Variants in ENTHD1 observed in about 807,000 individuals in gnomAD.
ENTHD1 encodes the protein ENTH domain containing 1, also known as ENTH domain-containing protein 1.
In ENTHD1, 23 loss-of-function variants were observed where a neutral mutation model predicts 39.1. The ratio of observed to expected loss-of-function variants is 0.59; its 90% CI spans 0.42 to 0.83. ENTHD1 has a LOEUF of 0.83. ENTHD1 is among the 40% of genes least tolerant of loss of function. The pLI, the probability that ENTHD1 is intolerant of heterozygous loss-of-function variation, is 0.00. For synonymous variants in ENTHD1, 230 were observed against 258.2 expected, an observed-to-expected ratio of 0.89 and a Z score of 1.05; for missense variants, 624 against 705.4, an observed-to-expected ratio of 0.88 and a Z score of 1.31.
chr22:39,791,377 A>G (rs927827632), intron 5 of ENTHD1, among the ~76,000 whole-genome samples: 1 of 150,756 alleles, frequency 6.6e-6, no homozygotes, highest in African/African-American at 2.4e-5. Flanking sequence ...ATTAAAGATT[A>G]GACTTCATAT....
At chr22:39,822,618 A>T (rs1890214202) in intron 4 of ENTHD1, among the ~76,000 whole-genome samples, 1 of 152,190 alleles carries the variant, frequency 6.6e-6, no homozygotes, top group Non-Finnish European at 1.5e-5. Flanking sequence ...TTGTTTATCC[A>T]TTCTCCTGCA....
At chr22:39,890,224 A>T (rs2066416322) in intron 1 of ENTHD1, among the ~76,000 whole-genome samples, 1 of 152,038 alleles carries the variant, frequency 6.6e-6, no homozygotes, top group Non-Finnish European at 1.5e-5. Flanking sequence ...AGGAAGAAAA[A>T]GAGAAGTTGT....
intron 6 of ENTHD1, among the ~76,000 whole-genome samples, chr22:39,745,658 C>T (rs535682202): frequency 2.0e-5 from 3 of 152,128 alleles, no homozygotes; most frequent in African/African-American, 4.8e-5. Context: ...TCAGGCTAAT[C>T]GAGACAGACT....
intron 5 of ENTHD1, among the ~76,000 whole-genome samples, chr22:39,810,661 T>C (rs531635183): frequency 6.6e-6 from 1 of 152,350 alleles, no homozygotes; most frequent in South Asian, 2.1e-4. Flanking sequence ...TGAAAAGCCA[T>C]GTGGACTGTC....
chr22:39,855,627 G>C (rs1227458171), intron 3 of ENTHD1, among the ~76,000 whole-genome samples: 1 of 151,524 alleles, frequency 6.6e-6, no homozygotes, highest in Non-Finnish European at 1.5e-5. Flanking sequence ...AAAGGGAAGA[G>C]ACATTCATAT....
intron 4 of ENTHD1, among the ~76,000 whole-genome samples, chr22:39,823,475 G>C (rs1466538169): frequency 1.3e-5 from 2 of 152,044 alleles, no homozygotes; most frequent in Non-Finnish European, 2.9e-5. Flanking sequence ...CTCCCAAGTA[G>C]CTGGGACTAC....
chr22:39,822,860 C>T (rs2065794095), intron 4 of ENTHD1, among the ~76,000 whole-genome samples: 1 of 152,184 alleles, frequency 6.6e-6, no homozygotes, highest in Admixed American at 6.5e-5. Context: ...TTTAGATCCA[C>T]ATGTAAGAAA....
chr22:39,830,965 G>A (rs1051074355), intron 4 of ENTHD1, among the ~76,000 whole-genome samples: 5 of 152,182 alleles, frequency 3.3e-5, no homozygotes, highest in African/African-American at 1.2e-4. Context: ...CATCTTCATG[G>A]AACAGAAACA....
At chr22:39,765,706 T>G (rs1018668349) in intron 5 of ENTHD1, 97 bp from the exon 6 acceptor site, 6 of 1,222,952 alleles carry the variant, frequency 4.9e-6, no homozygotes, top group Non-Finnish European at 6.7e-6. Context: ...TTTTTTAATG[T>G]CATAACAGAA....
chr22:39,797,688 A>G (rs547325871), intron 5 of ENTHD1, among the ~76,000 whole-genome samples: 1 of 152,254 alleles, frequency 6.6e-6, no homozygotes, highest in Non-Finnish European at 1.5e-5. Flanking sequence ...TTCATTTATG[A>G]AGGATAACTT....
intron 5 of ENTHD1, among the ~76,000 whole-genome samples, chr22:39,807,648 T>C (rs1393116120): frequency 1.3e-5 from 2 of 152,174 alleles, no homozygotes; most frequent in African/African-American, 4.8e-5. Context: ...GAGATTCTCT[T>C]CTCTCCTCAC....
intron 6 of ENTHD1, among the ~76,000 whole-genome samples, chr22:39,749,344 C>T (rs1848024248): frequency 1.3e-5 from 2 of 152,184 alleles, no homozygotes; most frequent in Admixed American, 6.5e-5. Flanking sequence ...GATATTTGCA[C>T]ACCAATTAAT....
At chr22:39,875,730 T>C in intron 2 of ENTHD1, 4 of 1,613,118 alleles carry the variant, frequency 2.5e-6, no homozygotes, top group Non-Finnish European at 3.4e-6. Context: ...GCTGATGTGT[T>C]GGCCCTGGCG....
At chr22:39,846,801 C>T (rs2065992691) in intron 3 of ENTHD1, among the ~76,000 whole-genome samples, 1 of 152,022 alleles carries the variant, frequency 6.6e-6, no homozygotes, top group South Asian at 2.1e-4. Flanking sequence ...AAATGCTCAT[C>T]ATCACTGGCC....
intron 3 of ENTHD1, among the ~76,000 whole-genome samples, chr22:39,858,930 G>A (rs2066117688): frequency 6.6e-6 from 1 of 152,148 alleles, no homozygotes; most frequent in Non-Finnish European, 1.5e-5. Flanking sequence ...GTCCTAGATG[G>A]CATCTTTTTC....
chr22:39,849,427 C>A (rs189902370), intron 3 of ENTHD1, among the ~76,000 whole-genome samples: 1 of 152,132 alleles, frequency 6.6e-6, no homozygotes, highest in Non-Finnish European at 1.5e-5. Flanking sequence ...ATAGCTCCCA[C>A]AACAAAGAAT....
intron 5 of ENTHD1, among the ~76,000 whole-genome samples, chr22:39,811,296 CA>C (rs139565355): frequency 0.06 from 9,165 of 152,202 alleles, 385 homozygotes; most frequent in South Asian, 0.12. Context: ...GAGTGAGGAC[CA>C]AAGCAAACAA....
chr22:39,866,862 A>G (rs1425439764), intron 2 of ENTHD1, among the ~76,000 whole-genome samples: 1 of 152,220 alleles, frequency 6.6e-6, no homozygotes, highest in Non-Finnish European at 1.5e-5. Context: ...AAATGAATGA[A>G]TATGCTGAGG....
chr22:39,888,708 G>A (rs933827938), intron 1 of ENTHD1, among the ~76,000 whole-genome samples: 27 of 152,120 alleles, frequency 1.8e-4, no homozygotes, highest in African/African-American at 6.0e-4. Flanking sequence ...TTATAGCCGT[G>A]AGCCACCGCT....
Sources: allele counts gnomAD v4.1 joint callset (sites outside exome capture counted in the v4.1 genomes callset), GRCh38; gene constraint gnomAD v4.1.1; transcripts MANE v1.5; gene names NCBI Gene and HGNC (gene_info 2026-07-23, HGNC 2026-07-21).